The following NOS1AP variants were observed in gnomAD, a reference collection of about 807,000 sequenced individuals.
NOS1AP encodes nitric oxide synthase 1 adaptor protein, also known as carboxyl-terminal PDZ ligand of neuronal nitric oxide synthase protein.
A neutral mutation model predicts 56.2 loss-of-function variants in NOS1AP; 21 were observed. The ratio of observed to expected loss-of-function variants is 0.37; its 90% CI spans 0.26 to 0.54. The LOEUF is 0.54. Ranked by LOEUF, NOS1AP falls within the 20% of genes least tolerant of loss-of-function variation. The pLI is 0.84. For synonymous variants in NOS1AP, 270 were observed against 274.6 expected, an observed-to-expected ratio of 0.98 and a Z score of 0.17; for missense variants, 522 against 657.8, an observed-to-expected ratio of 0.79 and a Z score of 2.26.
At chr1:162,231,354 G>A (rs943588945) in intron 2 of NOS1AP, among the ~76,000 whole-genome samples, 1 of 152,154 alleles carries the variant, frequency 6.6e-6, no homozygotes, top group Non-Finnish European at 1.5e-5. Flanking sequence ...GTGTTGTTGA[G>A]CTGTACTTCT....
At chr1:162,227,760 G>A (rs1038757268) in intron 2 of NOS1AP, among the ~76,000 whole-genome samples, 4 of 152,152 alleles carry the variant, frequency 2.6e-5, no homozygotes, top group African/African-American at 9.7e-5. Context: ...AGCTGCTAGT[G>A]AGGGGCAAAT....
chr1:162,329,612 A>G (rs1248532679), intron 4 of NOS1AP, among the ~76,000 whole-genome samples: 1 of 152,158 alleles, frequency 6.6e-6, no homozygotes, highest in Admixed American at 6.5e-5. Flanking sequence ...TCTCTTGAGC[A>G]CTCACCTTCC....
intron 5 of NOS1AP, chr1:162,338,751 T>C (rs537208328): frequency 6.6e-6 from 1 of 152,344 alleles, no homozygotes; most frequent in African/African-American, 2.4e-5. Context: ...CTATAATTTT[T>C]CTATGGGCCA....
intron 1 of NOS1AP, among the ~76,000 whole-genome samples, chr1:162,074,252 T>C (rs985518453): frequency 3.9e-5 from 6 of 152,202 alleles, no homozygotes; most frequent in Non-Finnish European, 8.8e-5. Context: ...CTATGTGCCA[T>C]ACATTATTCT....
At position 162,179,019 on chromosome 1, in the gene NOS1AP, T is replaced by G. The variant is rs898886750; in HGVS notation, c.177+24543T>G. Reference sequence around the variant, plus strand: ...TTGAGGGGGGTGGTGCTGGTGGTTATGTATACTGTTTCTTTTTTGGCTGAA... The same window carrying G: ...TTGAGGGGGGTGGTGCTGGTGGTTAGGTATACTGTTTCTTTTTTGGCTGAA... On this transcript the variant is annotated intron_variant, in intron 2 of 9. Transcript: ENST00000361897. 2.3e-4 allele frequency among the ~76,000 whole-genome samples: 35 copies of G among 152,180 alleles called. 1 individual carries two copies. The highest frequency in any genetic ancestry group is 8.4e-4 in the African/African-American group (35 of 41,426).
At chr1:162,070,747 A>C (rs1237728838) in intron 1 of NOS1AP, among the ~76,000 whole-genome samples, 2 of 147,472 alleles carry the variant, frequency 1.4e-5, no homozygotes, top group Non-Finnish European at 3.0e-5. Context: ...AAGAATCCAG[A>C]TTTTTTTTTT....
intron 2 of NOS1AP, among the ~76,000 whole-genome samples, chr1:162,233,817 C>G (rs1653202447): frequency 6.6e-6 from 1 of 152,212 alleles, no homozygotes; most frequent in Non-Finnish European, 1.5e-5. Flanking sequence ...CCTCTTCTTC[C>G]AAGAAACTCG....
intron 1 of NOS1AP, among the ~76,000 whole-genome samples, chr1:162,138,869 G>A (rs1238664886): frequency 6.6e-6 from 1 of 152,038 alleles, no homozygotes; most frequent in Non-Finnish European, 1.5e-5. Flanking sequence ...GTTAGCCAGA[G>A]CAGGGGTTCA....
intron 2 of NOS1AP, among the ~76,000 whole-genome samples, chr1:162,171,578 T>G (rs1214240468): frequency 6.6e-6 from 1 of 152,136 alleles, no homozygotes; most frequent in East Asian, 1.9e-4. Context: ...AAAGTTGCAT[T>G]GTCTAATCTT....
rs1430892034 is a variant in NOS1AP at position 162,188,766 on chromosome 1, A to G, written c.177+34290A>G. Among the ~76,000 whole-genome samples the G allele has an allele frequency of 6.6e-6, 1 of 152,172 alleles. No homozygotes were observed. Among genetic ancestry groups the G allele is most frequent in the Non-Finnish European group, 1.5e-5 (1 of 68,038 alleles). ...AAATGTTGAACAGTTGGTTAAGATT[A>G]TTTTAGGCTGAGCACGGTGGCTCAC... On this transcript the variant is annotated intron_variant, in intron 2 of 9. Transcript: ENST00000361897. The surrounding 1 kb of genome is among the most constrained non-coding windows in gnomAD (Gnocchi z 4.0).
At chr1:162,099,054 G>A (rs1377509440) in intron 1 of NOS1AP, among the ~76,000 whole-genome samples, 2 of 152,130 alleles carry the variant, frequency 1.3e-5, no homozygotes, top group Non-Finnish European at 2.9e-5. Flanking sequence ...GGGTTGAATG[G>A]TATTTCTGCC....
chr1:162,362,072 A>T (rs189230659), intron 8 of NOS1AP, among the ~76,000 whole-genome samples: 63 of 152,342 alleles, frequency 4.1e-4, no homozygotes, highest in Non-Finnish European at 8.4e-4. Flanking sequence ...CTGCCTAGGG[A>T]GTACCCAACA....
At chr1:162,212,072 A>G (rs1172486158) in intron 2 of NOS1AP, among the ~76,000 whole-genome samples, 1 of 152,228 alleles carries the variant, frequency 6.6e-6, no homozygotes, top group African/African-American at 2.4e-5. Flanking sequence ...GGCAGATTGC[A>G]GGAGGAGATG....
At chr1:162,150,017 G>C (rs1215598976) in intron 1 of NOS1AP, among the ~76,000 whole-genome samples, 2 of 152,036 alleles carry the variant, frequency 1.3e-5, no homozygotes, top group Non-Finnish European at 2.9e-5. Context: ...ATTTTTAAAT[G>C]TACAATAAGT....
chr1:162,347,254 A>T (rs1657327749), intron 6 of NOS1AP, among the ~76,000 whole-genome samples: 1 of 152,224 alleles, frequency 6.6e-6, no homozygotes, highest in South Asian at 2.1e-4. Context: ...TGGTGGCCTG[A>T]TTGGCAGAGA....
chr1:162,070,914 A>G (rs1691646625), intron 1 of NOS1AP, among the ~76,000 whole-genome samples: 1 of 152,102 alleles, frequency 6.6e-6, no homozygotes, highest in Admixed American at 6.5e-5. Flanking sequence ...CTAGTAGGGA[A>G]CTGTTGCTGA....
intron 3 of NOS1AP, among the ~76,000 whole-genome samples, chr1:162,294,222 A>AGGAG (rs1553202663): frequency 0.019 from 2,761 of 147,694 alleles, 122 homozygotes; most frequent in East Asian, 0.051. Flanking sequence ...GAAGGAAGGA[A>AGGAG]GGAAGAAAGA....
chr1:162,276,232 T>A (rs918262923), intron 2 of NOS1AP, among the ~76,000 whole-genome samples: 5 of 152,190 alleles, frequency 3.3e-5, no homozygotes, highest in Non-Finnish European at 7.3e-5. Flanking sequence ...TCTTCCTACA[T>A]AAACCATCCT....
chr1:162,292,571 C>T (rs143726839), intron 3 of NOS1AP, among the ~76,000 whole-genome samples: 26 of 152,270 alleles, frequency 1.7e-4, no homozygotes, highest in African/African-American at 5.8e-4. Flanking sequence ...AGTCAAGGTT[C>T]GAACCTTGTC....
Sources: allele counts gnomAD v4.1 joint callset (sites outside exome capture counted in the v4.1 genomes callset), GRCh38; gene constraint gnomAD v4.1.1; non-coding constraint Gnocchi (gnomAD v3.1); transcripts MANE v1.5; gene names NCBI Gene and HGNC (gene_info 2026-07-23, HGNC 2026-07-21).